NPAS3: variants seen among roughly 807,000 people sequenced by gnomAD.
NPAS3 encodes neuronal PAS domain-containing protein 3.
A neutral mutation model predicts 73.1 loss-of-function variants in NPAS3; 14 were observed. The ratio of observed to expected loss-of-function variants is 0.19; its 90% CI spans 0.13 to 0.30. The LOEUF (loss-of-function observed/expected upper bound fraction) is 0.30, where lower values mean the gene tolerates loss of function less well. Among genes scored for constraint, NPAS3 ranks in the 10% least tolerant of loss-of-function variants. NPAS3 has a pLI of 1.00. For synonymous variants in NPAS3, 620 were observed against 541.5 expected, an observed-to-expected ratio of 1.14 and a Z score of -2.01; for missense variants, 1,096 against 1,250.0, an observed-to-expected ratio of 0.88 and a Z score of 1.86.
At chr14:33,344,455 T>G (rs1437524927) in intron 3 of NPAS3, among the ~76,000 whole-genome samples, 1 of 152,202 alleles carries the variant, frequency 6.6e-6, no homozygotes, top group East Asian at 1.9e-4. Context: ...TCATTTGCTG[T>G]AATCCCAATC....
At chr14:33,500,563 T>G (rs2052462892) in intron 4 of NPAS3, among the ~76,000 whole-genome samples, 1 of 151,884 alleles carries the variant, frequency 6.6e-6, no homozygotes, top group African/African-American at 2.4e-5. Flanking sequence ...TGTTGTTCTT[T>G]CCATCAAGAA....
At chr14:33,524,568 C>T (rs1486249821) in intron 4 of NPAS3, among the ~76,000 whole-genome samples, 1 of 152,178 alleles carries the variant, frequency 6.6e-6, no homozygotes, top group Non-Finnish European at 1.5e-5. Flanking sequence ...TGTATCTTTG[C>T]TAGATGATAA....
At chr14:33,337,113 A>G (rs557500885) in intron 3 of NPAS3, among the ~76,000 whole-genome samples, 8 of 152,228 alleles carry the variant, frequency 5.3e-5, no homozygotes, top group Non-Finnish European at 1.2e-4. Context: ...TATTTCTTTT[A>G]TGGATCATAC....
chr14:33,465,350 A>C (rs935736727), intron 4 of NPAS3, among the ~76,000 whole-genome samples: 1 of 152,228 alleles, frequency 6.6e-6, no homozygotes, highest in African/African-American at 2.4e-5. Flanking sequence ...TTAAATGCCT[A>C]CTATGCATTC....
At chr14:33,621,880 A>T (rs926063599) in intron 5 of NPAS3, among the ~76,000 whole-genome samples, 3 of 152,244 alleles carry the variant, frequency 2.0e-5, no homozygotes, top group African/African-American at 7.2e-5. Context: ...TCAGAAAAAG[A>T]CACAGTACAA....
intron 1 of NPAS3, among the ~76,000 whole-genome samples, chr14:33,049,163 A>G (rs1410065697): frequency 6.6e-6 from 1 of 152,336 alleles, no homozygotes; most frequent in East Asian, 1.9e-4. Flanking sequence ...AACAAAGATA[A>G]TTTTCAGTAA....
At chr14:33,605,142 GTTCT>G (rs1462556771) in intron 5 of NPAS3, among the ~76,000 whole-genome samples, 1 of 151,750 alleles carries the variant, frequency 6.6e-6, no homozygotes, top group African/African-American at 2.4e-5. Flanking sequence ...AAAGAAACTT[GTTCT>G]TTGAGAAGTC....
intron 1 of NPAS3, among the ~76,000 whole-genome samples, chr14:32,975,893 G>C (rs2037651235): frequency 8.1e-6 from 1 of 122,766 alleles, no homozygotes; most frequent in Non-Finnish European, 1.9e-5. Context: ...GTGTGTGTGT[G>C]TGTGAGAGAG....
chr14:33,127,884 GAATA>G (rs1480890758), intron 2 of NPAS3, among the ~76,000 whole-genome samples: 2 of 151,952 alleles, frequency 1.3e-5, no homozygotes, highest in African/African-American at 4.8e-5. Flanking sequence ...AATCTCAAAA[GAATA>G]AATAGGCAAT....
rs763611240 is a variant in NPAS3, at chr14:33,799,824, C to T, written c.1517C>T (p.Ala506Val). ...CCCGACCGGAAGAAGTCGGGCAACGCGTGTGACAACGACATGAACTGCAAC... is the reference window on the plus strand; with the variant it reads ...CCCGACCGGAAGAAGTCGGGCAACGTGTGTGACAACGACATGAACTGCAAC... Residue 506 changes from alanine to valine, a missense_variant, in exon 12 of 12, where the codon GCG becomes GTG. Around this residue, in one of 5 missense-constraint regions of NPAS3, gnomAD observed 698 missense variants for 676.7 expected, o/e 1.03. Coordinates refer to ENST00000356141, the Ensembl canonical transcript of NPAS3. 4.3e-5 allele frequency: 70 copies of T among 1,613,878 alleles called. No individual in the cohort carries two copies. Among genetic ancestry groups the T allele is most frequent in the Non-Finnish European group, 5.8e-5 (68 of 1,179,990 alleles).
At chr14:33,103,965 C>G (rs778096457) in intron 2 of NPAS3, among the ~76,000 whole-genome samples, 1 of 152,066 alleles carries the variant, frequency 6.6e-6, no homozygotes, top group Admixed American at 6.6e-5. Context: ...AATACAACTT[C>G]CAGAATCTTA....
At chr14:33,292,138 T>C (rs1044164183) in intron 3 of NPAS3, among the ~76,000 whole-genome samples, 4 of 152,256 alleles carry the variant, frequency 2.6e-5, no homozygotes, top group Admixed American at 2.0e-4. Flanking sequence ...ATATGTTCTC[T>C]TTTTATGAAC....
chr14:33,284,218 T>C (rs1566757237), intron 3 of NPAS3, among the ~76,000 whole-genome samples: 1 of 152,104 alleles, frequency 6.6e-6, no homozygotes, highest in Non-Finnish European at 1.5e-5. Context: ...TTAGGGGAAA[T>C]GTACTTCTCT....
intron 6 of NPAS3, among the ~76,000 whole-genome samples, chr14:33,731,247 A>T: frequency 6.6e-6 from 1 of 151,998 alleles, no homozygotes; most frequent in East Asian, 1.9e-4. Flanking sequence ...AAAAAATACT[A>T]AAAAACATTT....
intron 7 of NPAS3, among the ~76,000 whole-genome samples, chr14:33,766,808 C>T (rs1006911896): frequency 1.3e-5 from 2 of 152,110 alleles, no homozygotes; most frequent in African/African-American, 4.8e-5. Context: ...CCTCCTTGGC[C>T]CTGGAGGAGG....
At chr14:33,580,580 C>T (rs370693576) in intron 5 of NPAS3, among the ~76,000 whole-genome samples, 2 of 152,270 alleles carry the variant, frequency 1.3e-5, no homozygotes, top group East Asian at 1.9e-4. Context: ...CTCCATCCCC[C>T]GGGGCAATGC....
chr14:33,707,410 T>G (rs193219484), intron 6 of NPAS3, among the ~76,000 whole-genome samples: 2 of 152,166 alleles, frequency 1.3e-5, no homozygotes, highest in African/African-American at 4.8e-5. Context: ...CTCAGCGCTG[T>G]GCAAGACCCA....
At chr14:33,430,313 C>A (rs1175602289) in intron 4 of NPAS3, among the ~76,000 whole-genome samples, 11 of 151,982 alleles carry the variant, frequency 7.2e-5, no homozygotes, top group African/African-American at 2.4e-4. Flanking sequence ...TCTAGGAAAG[C>A]AAAGAGTAAA....
At chr14:33,061,581 T>G (rs1339102457) in intron 2 of NPAS3, among the ~76,000 whole-genome samples, 1 of 152,192 alleles carries the variant, frequency 6.6e-6, no homozygotes, top group South Asian at 2.1e-4. Context: ...TGAAGTAGCA[T>G]ATGTTGGTAA....
Sources: allele counts gnomAD v4.1 joint callset (sites outside exome capture counted in the v4.1 genomes callset), GRCh38; gene constraint gnomAD v4.1.1; regional missense constraint gnomAD v4.1.1; transcripts MANE v1.5; gene names NCBI Gene and HGNC (gene_info 2026-07-23, HGNC 2026-07-21).